The following MGMT variants were observed in gnomAD, a reference collection of about 807,000 sequenced individuals.
The protein encoded by MGMT is methylated-DNA--protein-cysteine methyltransferase.
A neutral mutation model predicts 15.9 loss-of-function variants in MGMT; 14 were observed. That is an observed-to-expected ratio of 0.88 (90% CI 0.58 to 1.37). MGMT has a LOEUF of 1.37. Ranked by LOEUF, MGMT falls within the 40% of genes most tolerant of loss-of-function variation. The pLI, the probability that MGMT is intolerant of heterozygous loss-of-function variation, is 0.00. For synonymous variants in MGMT, 130 were observed against 118.2 expected (o/e 1.10, Z -0.65); for missense variants, 282 against 268.1 (o/e 1.05, Z -0.36).
At chr10:129,544,093 C>T (rs1240018300) in intron 2 of MGMT, among the ~76,000 whole-genome samples, 1 of 152,178 alleles carries the variant, frequency 6.6e-6, no homozygotes, top group South Asian at 2.1e-4. Context: ...GGCTTCACCT[C>T]TGTTCGGCTC....
intron 2 of MGMT, among the ~76,000 whole-genome samples, chr10:129,653,500 C>A (rs372339101): frequency 5.3e-5 from 8 of 152,338 alleles, no homozygotes; most frequent in East Asian, 3.9e-4. Flanking sequence ...TGAGTGGCCC[C>A]CAGGCCGAGG....
chr10:129,742,924 G>C (rs937263113), intron 3 of MGMT, among the ~76,000 whole-genome samples: 1 of 152,214 alleles, frequency 6.6e-6, no homozygotes, highest in Non-Finnish European at 1.5e-5. Context: ...CACCGCAGCT[G>C]CCCATGCTCA....
chr10:129,666,628 T>A (rs1847662127), intron 2 of MGMT, among the ~76,000 whole-genome samples: 2 of 152,242 alleles, frequency 1.3e-5, no homozygotes, highest in South Asian at 4.1e-4. Context: ...CTAAATTCTC[T>A]TATTAGTTCT....
intron 2 of MGMT, among the ~76,000 whole-genome samples, chr10:129,642,553 T>G (rs1401248154): frequency 6.6e-6 from 1 of 152,222 alleles, no homozygotes; most frequent in Non-Finnish European, 1.5e-5. Flanking sequence ...TGTGACCTTA[T>G]GTGACCCTGT....
chr10:129,646,917 G>T (rs529335917), intron 2 of MGMT, among the ~76,000 whole-genome samples: 2 of 150,998 alleles, frequency 1.3e-5, no homozygotes, highest in Non-Finnish European at 1.5e-5. Flanking sequence ...GGGCATGGCC[G>T]CCCCTCCGTC....
At chr10:129,512,397 G>T (rs76175170) in intron 1 of MGMT, among the ~76,000 whole-genome samples, 13,103 of 152,156 alleles carry the variant, frequency 0.086, 725 homozygotes, top group East Asian at 0.28. Flanking sequence ...TAATAAACTA[G>T]TGTCTCAACT....
intron 2 of MGMT, among the ~76,000 whole-genome samples, chr10:129,682,200 T>C: frequency 6.6e-6 from 1 of 152,112 alleles, no homozygotes; most frequent in South Asian, 2.1e-4. Context: ...CAAGTGTCCA[T>C]GTCAACTTTA....
intron 3 of MGMT, among the ~76,000 whole-genome samples, chr10:129,743,805 C>T (rs542907349): frequency 3.3e-5 from 5 of 152,334 alleles, no homozygotes; most frequent in East Asian, 3.9e-4. Context: ...GTGTGTAAGG[C>T]GTATGGAAAG....
At chr10:129,680,231 G>T (rs569049879) in intron 2 of MGMT, among the ~76,000 whole-genome samples, 1 of 152,306 alleles carries the variant, frequency 6.6e-6, no homozygotes, top group South Asian at 2.1e-4. Context: ...TTGGTGAATT[G>T]TACAAGCTGA....
intron 2 of MGMT, among the ~76,000 whole-genome samples, chr10:129,621,930 G>A (rs1330209877): frequency 6.6e-6 from 1 of 152,122 alleles, no homozygotes; most frequent in Non-Finnish European, 1.5e-5. Context: ...GAAGACAGAA[G>A]GTAATATAGA....
chr10:129,655,452 A>G (rs935058703), intron 2 of MGMT, among the ~76,000 whole-genome samples: 1 of 152,206 alleles, frequency 6.6e-6, no homozygotes, highest in Non-Finnish European at 1.5e-5. Flanking sequence ...ACGCTTCTAG[A>G]GGGCCTCATC....
chr10:129,596,757 G>A (rs771116891), intron 2 of MGMT, among the ~76,000 whole-genome samples: 9 of 152,326 alleles, frequency 5.9e-5, no homozygotes, highest in Admixed American at 1.3e-4. Context: ...CAGCTAGGTC[G>A]TGCTTGCGTT....
chr10:129,765,946 A>G (rs1330095897), intron 4 of MGMT, among the ~76,000 whole-genome samples: 1 of 152,180 alleles, frequency 6.6e-6, no homozygotes, highest in East Asian at 1.9e-4. Flanking sequence ...CCTCCTGTCT[A>G]CACAGCTCGG....
At chr10:129,605,670 C>T (rs528929671) in intron 2 of MGMT, among the ~76,000 whole-genome samples, 40 of 152,292 alleles carry the variant, frequency 2.6e-4, no homozygotes, top group Non-Finnish European at 5.0e-4. Context: ...CAGTGCATTT[C>T]CCTTGAATTT....
chr10:129,612,883 G>A (rs552019688), intron 2 of MGMT, among the ~76,000 whole-genome samples: 5 of 152,174 alleles, frequency 3.3e-5, no homozygotes, highest in Admixed American at 1.3e-4. Context: ...GACTCTGCCC[G>A]TCCTTCCTGA....
intron 2 of MGMT, among the ~76,000 whole-genome samples, chr10:129,577,175 G>A (rs1482409054): frequency 6.6e-6 from 1 of 152,132 alleles, no homozygotes; most frequent in Non-Finnish European, 1.5e-5. Context: ...CACAGAATTG[G>A]AAAAAGCTAC....
intron 2 of MGMT, chr10:129,564,243 CCT>C (rs1846317084): frequency 1.2e-4 from 10 of 83,518 alleles, no homozygotes; most frequent in South Asian, 6.7e-4. Context: ...TCCTCTTCCC[CCT>C]TCCCCCTCCT....
At chr10:129,549,044 G>A (rs1846127348) in intron 2 of MGMT, among the ~76,000 whole-genome samples, 1 of 152,176 alleles carries the variant, frequency 6.6e-6, no homozygotes, top group Non-Finnish European at 1.5e-5. Context: ...TACTAAGTTT[G>A]GCAAATATGT....
intron 2 of MGMT, among the ~76,000 whole-genome samples, chr10:129,559,267 A>G (rs1846250534): frequency 6.6e-6 from 1 of 152,110 alleles, no homozygotes; most frequent in Non-Finnish European, 1.5e-5. Flanking sequence ...ATTCAGAATG[A>G]TTTTTTTCAA....
Sources: allele counts gnomAD v4.1 joint callset (sites outside exome capture counted in the v4.1 genomes callset), GRCh38; gene constraint gnomAD v4.1.1; transcripts MANE v1.5; gene names NCBI Gene and HGNC (gene_info 2026-07-23, HGNC 2026-07-21).